PCDH15: variants seen among roughly 807,000 people sequenced by gnomAD.
The protein encoded by PCDH15 is protocadherin-15.
A neutral mutation model predicts 178.5 loss-of-function variants in PCDH15; 129 were observed. The observed-to-expected ratio is 0.72, with a 90% CI of 0.63 to 0.84. PCDH15 has a LOEUF of 0.84. Ranked by LOEUF, PCDH15 falls within the 40% of genes least tolerant of loss-of-function variation. PCDH15 has a pLI of 0.00. For synonymous variants in PCDH15, 800 were observed against 732.0 expected (o/e 1.09, Z -1.50); for missense variants, 2,230 against 2,099.9 (o/e 1.06, Z -1.21).
At chr10:55,160,330 T>C (rs573242328) in intron 2 of PCDH15, among the ~76,000 whole-genome samples, 1 of 151,810 alleles carries the variant, frequency 6.6e-6, no homozygotes, top group Admixed American at 6.6e-5. Flanking sequence ...ACTGAAAACA[T>C]ACTAGCAACT....
intron 2 of PCDH15, among the ~76,000 whole-genome samples, chr10:54,920,169 A>ATG (rs941917002): frequency 1.3e-5 from 2 of 152,148 alleles, no homozygotes; most frequent in African/African-American, 4.8e-5. Context: ...AGACGCGACA[A>ATG]TGAAAAACAA....
chr10:54,032,300 G>T lies in PCDH15; in HGVS notation c.2221-9103C>A, dbSNP rs184781151. 3.7e-3 allele frequency among the ~76,000 whole-genome samples: 555 copies of T among 151,864 alleles called. 2 individuals carry two copies. The highest frequency in any genetic ancestry group is 6.4e-3 in the Non-Finnish European group (436 of 67,928). ...AATGCCTCATCTTCATGCTCCTGAA[G>T]CTCATTGTATGTTTCTTTACCACAT... On this transcript the variant is annotated intron_variant, in intron 18 of 37. Coordinates refer to ENST00000644397, the MANE Select transcript of PCDH15 (RefSeq NM_001384140.1).
At chr10:54,910,504 T>C (rs1331625067) in intron 2 of PCDH15, among the ~76,000 whole-genome samples, 1 of 152,202 alleles carries the variant, frequency 6.6e-6, no homozygotes, top group Non-Finnish European at 1.5e-5. Context: ...TAGATTAAGA[T>C]AGATGTCATC....
At chr10:54,811,435 C>T (rs1433919945) in intron 3 of PCDH15, among the ~76,000 whole-genome samples, 1 of 152,018 alleles carries the variant, frequency 6.6e-6, no homozygotes, top group African/African-American at 2.4e-5. Context: ...AACAGTACAA[C>T]CATCGCTAAT....
intron 6 of PCDH15, among the ~76,000 whole-genome samples, chr10:54,345,837 A>G (rs1252891998): frequency 7.2e-6 from 1 of 138,812 alleles, no homozygotes; most frequent in African/African-American, 2.6e-5. Flanking sequence ...AAAAAAAAGA[A>G]ATCATCTTGT....
At chr10:55,378,731 A>T (rs757265865) in intron 2 of PCDH15, among the ~76,000 whole-genome samples, 1 of 152,106 alleles carries the variant, frequency 6.6e-6, no homozygotes, top group Non-Finnish European at 1.5e-5. Context: ...TGATCAATAC[A>T]TTTGACCAAA....
At position 54,587,329 on chromosome 10, in the gene PCDH15, T is replaced by C. The variant is rs559888285; in HGVS notation, c.92-59452A>G. Among the ~76,000 whole-genome samples the C allele has an allele frequency of 2.6e-5, 4 of 152,210 alleles. No individual in the cohort carries two copies. In the South Asian group the frequency reaches 8.3e-4, roughly 32 times the overall value. ...GAAAAGATAAAAGTACAACATAAAG[T>C]AAAACGTTGAGTCCAGTGAAAATGG... On this transcript the variant is annotated intron_variant, in intron 2 of 37. Transcript: ENST00000644397.
At chr10:54,442,414 C>CCATATA (rs1554972759) in intron 3 of PCDH15, among the ~76,000 whole-genome samples, 1 of 19,164 alleles carries the variant, frequency 5.2e-5, no homozygotes. Flanking sequence ...GCCTTAAAGG[C>CCATATA]TATATATATA....
chr10:54,305,640 G>A (rs1182903592), intron 8 of PCDH15, among the ~76,000 whole-genome samples: 2 of 151,958 alleles, frequency 1.3e-5, no homozygotes, highest in Admixed American at 6.6e-5. Context: ...AATCAATTAA[G>A]TGAATATGCA....
chr10:55,251,642 C>T (rs192351330), intron 1 of PCDH15, among the ~76,000 whole-genome samples: 1 of 152,154 alleles, frequency 6.6e-6, no homozygotes. Context: ...TATGAATGTT[C>T]GTGTACAGGT....
chr10:53,979,132 T>A (rs1012697808), intron 21 of PCDH15, among the ~76,000 whole-genome samples: 1 of 152,172 alleles, frequency 6.6e-6, no homozygotes, highest in Non-Finnish European at 1.5e-5. Context: ...GTTCTCACAC[T>A]GCTATGGGGA....
At chr10:54,370,966 G>T (rs767364423) in intron 4 of PCDH15, among the ~76,000 whole-genome samples, 1 of 151,774 alleles carries the variant, frequency 6.6e-6, no homozygotes, top group Non-Finnish European at 1.5e-5. Flanking sequence ...ACGAAAAGAG[G>T]TCTCTAGTGA....
chr10:54,525,147 C>G (rs142522466), intron 3 of PCDH15, among the ~76,000 whole-genome samples: 1 of 152,190 alleles, frequency 6.6e-6, no homozygotes, highest in East Asian at 1.9e-4. Flanking sequence ...AAACAATTAG[C>G]TATAATTTAA....
At chr10:55,239,069 A>AT (rs955805222) in intron 1 of PCDH15, among the ~76,000 whole-genome samples, 3 of 151,810 alleles carry the variant, frequency 2.0e-5, no homozygotes, top group Admixed American at 6.6e-5. Flanking sequence ...ATTTATTCTC[A>AT]TTTTTTATTT....
rs189033163 is a variant in PCDH15 at position 55,377,870 on chromosome 10, T to C, written c.-155-211219A>G. On this transcript the variant is annotated intron_variant, in intron 2 of 5. Transcript: ENST00000613346. ...GGCACATATAAATCATGGAATACTATGCAGCCATAAAAAATAATGAGGTCA... is the reference window on the plus strand; with the variant it reads ...GGCACATATAAATCATGGAATACTACGCAGCCATAAAAAATAATGAGGTCA... Among the ~76,000 whole-genome samples the C allele has an allele frequency of 5.6e-4, 85 of 152,238 alleles. 1 individual carries two copies. Among genetic ancestry groups the C allele is most frequent in the Non-Finnish European group, 5.4e-4 (37 of 68,014 alleles).
chr10:54,316,288 C>G (rs1341011717), intron 8 of PCDH15, among the ~76,000 whole-genome samples: 1 of 151,988 alleles, frequency 6.6e-6, no homozygotes, highest in Non-Finnish European at 1.5e-5. Context: ...TGGATAAGCA[C>G]TCTGGCTTTA....
intron 2 of PCDH15, among the ~76,000 whole-genome samples, chr10:55,442,606 G>C (rs1839222574): frequency 1.3e-5 from 2 of 150,110 alleles, no homozygotes; most frequent in Admixed American, 1.3e-4. Flanking sequence ...AGCCTTTGTA[G>C]CTATGACTCA....
intron 1 of PCDH15, among the ~76,000 whole-genome samples, chr10:54,668,504 T>A (rs1374722151): frequency 6.6e-6 from 1 of 152,130 alleles, no homozygotes; most frequent in African/African-American, 2.4e-5. Flanking sequence ...CTATTCTGAG[T>A]ACAGATTTCT....
At chr10:54,709,059 C>T (rs1170260836) in intron 1 of PCDH15, among the ~76,000 whole-genome samples, 2 of 151,914 alleles carry the variant, frequency 1.3e-5, no homozygotes, top group Non-Finnish European at 2.9e-5. Context: ...AAAACCTGAC[C>T]GTGGATATTT....
Sources: allele counts gnomAD v4.1 joint callset (sites outside exome capture counted in the v4.1 genomes callset), GRCh38; gene constraint gnomAD v4.1.1; transcripts MANE v1.5; gene names NCBI Gene and HGNC (gene_info 2026-07-23, HGNC 2026-07-21).